Variants in DHX32 observed in about 807,000 individuals in gnomAD.
DHX32 encodes DEAH-box helicase 32 (putative).
A neutral mutation model predicts 70.0 loss-of-function variants in DHX32; 51 were observed. That is an observed-to-expected ratio of 0.73 (90% CI 0.58 to 0.92). The LOEUF is 0.92. Among genes scored for constraint, DHX32 ranks in the 40% least tolerant of loss-of-function variants. DHX32 has a pLI of 0.00. For synonymous variants in DHX32, 310 were observed against 315.3 expected (o/e 0.98, Z 0.18); for missense variants, 762 against 891.8 (o/e 0.85, Z 1.85).
chr10:125,889,068 AATT>A (rs1262347671), intron 1 of DHX32, among the ~76,000 whole-genome samples: 2 of 152,212 alleles, frequency 1.3e-5, no homozygotes, highest in Admixed American at 1.3e-4. Context: ...CCAAAAAAAT[AATT>A]AATTCTGTCC....
In DHX32 at chr10:125,838,316, G is replaced by A. The variant is rs1355356771; in HGVS notation, c.1953C>T (p.Pro651=). Residue 651 remains proline (P), a synonymous_variant, in exon 10 of 11, where the codon CCC becomes CCT. Transcript: ENST00000284690. ...LTHKQVAQLH[P]LSGYSITKKM... is the part of the protein sequence containing the mutation. ...TCTTGGTGATTGAGTAACCAGACAGGGGATGCAGCTGAGCAACCTGCTTAT... is the reference window on the plus strand; with the variant it reads ...TCTTGGTGATTGAGTAACCAGACAGAGGATGCAGCTGAGCAACCTGCTTAT... 6.2e-7 allele frequency: 1 copy of A among 1,613,696 alleles called. No homozygotes were observed. The highest frequency in any genetic ancestry group is 8.5e-7 in the Non-Finnish European group (1 of 1,179,922).
rs892686684 is a variant in DHX32, at chr10:125,853,504, T to C, written c.1092+457A>G. 3.4e-5 allele frequency: 8 copies of C among 232,428 alleles called. No individual in the cohort carries two copies. The South Asian group carries it at 1.1e-3, about 32-fold the overall frequency. The allele number at this position is 232,428 out of a possible 1,614,324, so 14.4% of individuals were successfully genotyped here. A position where few individuals can be genotyped will look rare whatever the true frequency, so the allele number is the denominator to read the frequency against. On this transcript the variant is annotated intron_variant, in intron 4 of 10. Coordinates refer to ENST00000284690, the MANE Select transcript of DHX32 (RefSeq NM_018180.3). Reference sequence around the variant, plus strand: ...AATTATAAGCCAAAATTTGCTAAAATTAAAGTCAGTATACTTGAAACAAGT... The same window carrying C: ...AATTATAAGCCAAAATTTGCTAAAACTAAAGTCAGTATACTTGAAACAAGT...
In DHX32 at chr10:125,866,922, T is replaced by G. The variant is rs1483750625; in HGVS notation, c.476+68A>C. 4.0e-6 allele frequency: 6 copies of G among 1,502,596 alleles called. No homozygotes were observed. The East Asian group carries it at 1.4e-4, about 34-fold the overall frequency. The allele number at this position is 1,502,596 out of a possible 1,614,324, so 93.1% of individuals were successfully genotyped here. ...AACAGGTAGAATGCCAGAATAATGC[T>G]CCTTCAGAATTGTAGAACCTAAGCC... On this transcript the variant is annotated intron_variant, in intron 2 of 10. Coordinates refer to ENST00000284690, the MANE Select transcript of DHX32 (RefSeq NM_018180.3). The surrounding 1 kb of genome is among the most constrained non-coding windows in gnomAD (Gnocchi z 4.8).
rs774628858 is a variant in DHX32 at position 125,859,784 on chromosome 10, C to T, written c.668G>A (p.Ser223Asn). 6.2e-6 allele frequency: 10 copies of T among 1,613,890 alleles called. No homozygotes were observed. Among genetic ancestry groups the T allele is most frequent in the Admixed American group, 1.7e-5 (1 of 59,994 alleles). ...GTTTCCATAATAAGAATTGAGTTTG[C>T]TGATCAGGTGAGGTGAGGAGTTAAT... Reference protein sequence around the residue: ...LIINSSPHLISKLNSYYGNVP... With the variant: ...LIINSSPHLINKLNSYYGNVP... Residue 223 changes from serine to asparagine, a missense_variant, in exon 3 of 11, where the codon AGC becomes AAC. Around this residue, in one of 3 missense-constraint regions of DHX32, gnomAD observed 394 missense variants for 473.1 expected, o/e 0.83. Coordinates refer to ENST00000284690, the MANE Select transcript of DHX32 (RefSeq NM_018180.3).
chr10:125,886,386 T>C (rs1944341328), intron 1 of DHX32, among the ~76,000 whole-genome samples: 1 of 152,188 alleles, frequency 6.6e-6, no homozygotes, highest in African/African-American at 2.4e-5. Flanking sequence ...CCCTCTTTGT[T>C]TTCTGTTGGT....
rs1480640798 is a variant in DHX32, at chr10:125,852,547, A to G, written c.1188T>C (p.Ser396=). Residue 396 remains serine, a synonymous_variant, in exon 5 of 11, where the codon TCT becomes TCC. Transcript: ENST00000284690. ...EIRKQILGSS[S]SGKFFCLYTE... ...TATTTGTGTCCACAGCACTACCTGAAGAAGATGAGCCAAGAATCTGCTTGC... is the reference window on the plus strand; with the variant it reads ...TATTTGTGTCCACAGCACTACCTGAGGAAGATGAGCCAAGAATCTGCTTGC... 1 of 1,613,420 alleles carries G rather than the reference A, an allele frequency of 6.2e-7. No homozygotes were observed. Among genetic ancestry groups the G allele is most frequent in the Admixed American group, 1.7e-5 (1 of 59,904 alleles).
chr10:125,890,346 T>C (rs1944363236), intron 1 of DHX32, among the ~76,000 whole-genome samples: 1 of 152,244 alleles, frequency 6.6e-6, no homozygotes, highest in Non-Finnish European at 1.5e-5. Flanking sequence ...ACTTCTTTGT[T>C]TGCCTTTGTT....
chr10:125,852,231 G>T (rs570198207), intron 6 of DHX32, 62 bp downstream of exon 6: 2 of 1,582,662 alleles, frequency 1.3e-6, no homozygotes, highest in East Asian at 4.5e-5. Flanking sequence ...TCAGGACAGA[G>T]AATGGGCAGG....
intron 9 of DHX32, 56 bp downstream of exon 9, chr10:125,838,945 C>T (rs1854784490): frequency 6.6e-7 from 1 of 1,513,336 alleles, no homozygotes; most frequent in African/African-American, 1.4e-5. Context: ...GGCAGCATAT[C>T]CTGAGTATGT....
upstream of DHX32, among the ~76,000 whole-genome samples, chr10:125,885,203 G>A (rs1054437455): frequency 9.9e-5 from 15 of 152,062 alleles, no homozygotes; most frequent in Admixed American, 1.3e-4. Flanking sequence ...AGTATTTGAA[G>A]TTACCCTTGA....
chr10:125,841,923 A>C lies in DHX32; in HGVS notation c.1363T>G (p.Leu455Val). The stretch of plus-strand genomic sequence containing the variant: ...TCTAAGTCTTCCAATGCCTGCATCA[A>C]ACTTTCTGGTGCTAGGAAAGGAAAA... ...DFMNRPAPES[L>V]MQALEDLDYL... The change falls in exon 7 of 11, where the codon TTG becomes GTG. Residue 455 changes from leucine (L) to valine (V), a missense_variant. By Grantham distance (32) the Leu-to-Val change is conservative (BLOSUM62 1). Coordinates refer to ENST00000284690, the MANE Select transcript of DHX32 (RefSeq NM_018180.3). 1 of 1,592,886 alleles carries C rather than the reference A, an allele frequency of 6.3e-7. No individual in the cohort carries two copies. The highest frequency in any genetic ancestry group is 8.5e-7 in the Non-Finnish European group (1 of 1,173,780).
At chr10:125,869,713 C>T (rs756961828) in intron 1 of DHX32, 1 of 152,214 alleles carries the variant, frequency 6.6e-6, no homozygotes, top group Non-Finnish European at 1.5e-5. Context: ...GCCCCTGTGC[C>T]CAGCCAAAAC....
intron 6 of DHX32, among the ~76,000 whole-genome samples, chr10:125,844,191 G>T (rs899803896): frequency 6.6e-6 from 1 of 152,202 alleles, no homozygotes; most frequent in Non-Finnish European, 1.5e-5. Context: ...AGTAACAGCC[G>T]ATCTGCTGGA....
chr10:125,842,198 C>G (rs1854901529), intron 6 of DHX32: 1 of 395,852 alleles, frequency 2.5e-6, no homozygotes, highest in African/African-American at 2.1e-5. Context: ...CCAGGTGGAG[C>G]CTGCCAGCCT....
chr10:125,856,724 C>G (rs1184949394), intron 3 of DHX32, among the ~76,000 whole-genome samples: 1 of 152,076 alleles, frequency 6.6e-6, no homozygotes. Flanking sequence ...GACAGGAGAA[C>G]TGCTTGAGGC....
intron 6 of DHX32, among the ~76,000 whole-genome samples, chr10:125,844,687 T>C (rs754442471): frequency 7.2e-5 from 11 of 152,358 alleles, no homozygotes; most frequent in Middle Eastern, 3.4e-3. Context: ...GGGGGTTCTT[T>C]AGGGCAGTGC....
chr10:125,881,467 A>C (rs1944317101), upstream of DHX32, among the ~76,000 whole-genome samples: 1 of 152,212 alleles, frequency 6.6e-6, no homozygotes, highest in African/African-American at 2.4e-5. Context: ...AACTGTGATG[A>C]CCTGGTGAGT....
rs56380138 is a variant in DHX32, at chr10:125,851,920, CAAAAAAAAAAAA to C, written c.1351+361_1351+372del. Among the ~76,000 whole-genome samples the C allele has an allele frequency of 1.3e-3, 110 of 86,770 alleles. 4 individuals are homozygous for C. The highest frequency in any genetic ancestry group is 4.3e-4 in the South Asian group (1 of 2,350). 56.9% of individuals were successfully genotyped at this position (86,770 alleles called of 152,430 possible). On this transcript the variant is annotated intron_variant, in intron 6 of 10. Coordinates refer to ENST00000284690, the MANE Select transcript of DHX32 (RefSeq NM_018180.3). ...TGAGCAACAGAGCAAGACCCTGTCTCAAAAAAAAAAAAAAAAAAAAAGAAAAGAAAAAAGGAC... is the reference window on the plus strand; with the variant it reads ...TGAGCAACAGAGCAAGACCCTGTCTCAAAAAAAAAGAAAAGAAAAAAGGAC...
chr10:125,855,013 CAA>C (rs748238543), intron 3 of DHX32, among the ~76,000 whole-genome samples: 17 of 152,014 alleles, frequency 1.1e-4, no homozygotes, highest in Non-Finnish European at 2.5e-4. Context: ...ATCATGAAGT[CAA>C]GAGATTGGGA....
Sources: allele counts gnomAD v4.1 joint callset (sites outside exome capture counted in the v4.1 genomes callset), GRCh38; gene constraint gnomAD v4.1.1; regional missense constraint gnomAD v4.1.1; non-coding constraint Gnocchi (gnomAD v3.1); transcripts MANE v1.5; gene names NCBI Gene and HGNC (gene_info 2026-07-23, HGNC 2026-07-21).